FLI1: variants seen among roughly 807,000 people sequenced by gnomAD.
FLI1 encodes Fli-1 proto-oncogene, ETS transcription factor.
A neutral mutation model predicts 53.1 loss-of-function variants in FLI1; 13 were observed. The ratio of observed to expected loss-of-function variants is 0.24; its 90% CI spans 0.16 to 0.39. FLI1 has a LOEUF of 0.39. FLI1 is among the 10% of genes least tolerant of loss of function. The pLI is 1.00. For synonymous variants in FLI1, 244 were observed against 236.7 expected (o/e 1.03, Z -0.28); for missense variants, 424 against 600.5 (o/e 0.71, Z 3.07).
rs148596488 is a variant in FLI1, at chr11:128,783,453, C to A, written c.655+1430C>A. Reference sequence around the variant, plus strand: ...TCATTTGTTTCCTTCTCTCCTATCCCACCCTGAGCCAGTCCTGTTTCTGCC... The same window carrying A: ...TCATTTGTTTCCTTCTCTCCTATCCAACCCTGAGCCAGTCCTGTTTCTGCC... On this transcript the variant is annotated intron_variant, in intron 5 of 8. Coordinates refer to ENST00000527786, the MANE Select transcript of FLI1 (RefSeq NM_002017.5). Among the ~76,000 whole-genome samples the A allele has an allele frequency of 2.8e-3, 434 of 152,314 alleles. 5 individuals carry two copies. The highest frequency in any genetic ancestry group is 0.01 in the African/African-American group (417 of 41,566).
At chr11:128,782,088 G>A (rs910999612) in intron 5 of FLI1, 65 bp downstream of exon 5, 4 of 1,310,910 alleles carry the variant, frequency 3.1e-6, no homozygotes, top group Non-Finnish European at 4.4e-6. Context: ...GGCCCATGCT[G>A]TTAAGGTTGT....
At chr11:128,786,285 T>C (rs1289859993) in intron 5 of FLI1, among the ~76,000 whole-genome samples, 1 of 152,204 alleles carries the variant, frequency 6.6e-6, no homozygotes, top group South Asian at 2.1e-4. Flanking sequence ...CAGATTGTCC[T>C]AGAAAAGGAA....
chr11:128,764,911 C>T, intron 2 of FLI1: 1 of 1,374,830 alleles, frequency 7.3e-7, no homozygotes, highest in Non-Finnish European at 1.0e-6. Flanking sequence ...GCCCTTCTCC[C>T]TAAGGACACC....
At chr11:128,737,060 AGTGCTCAAGAGGCAGTATTCT>A (rs1939943450) in intron 1 of FLI1, among the ~76,000 whole-genome samples, 1 of 152,262 alleles carries the variant, frequency 6.6e-6, no homozygotes, top group Non-Finnish European at 1.5e-5. Flanking sequence ...GATATCTTTC[AGTGCTCAAGAGGCAGTATTCT>A]GCAGTAGATC....
intron 1 of FLI1, among the ~76,000 whole-genome samples, chr11:128,724,473 T>C (rs1339494135): frequency 1.3e-5 from 2 of 152,182 alleles, no homozygotes; most frequent in East Asian, 1.9e-4. Context: ...GGAAAATCAG[T>C]GCAGGTTTCC....
intron 1 of FLI1, among the ~76,000 whole-genome samples, chr11:128,753,643 T>G (rs1302615887): frequency 6.6e-6 from 1 of 152,210 alleles, no homozygotes; most frequent in African/African-American, 2.4e-5. Flanking sequence ...TTTTAAGAGT[T>G]TAAGTAAAGA....
At chr11:128,768,347 T>G (rs758611468) in intron 3 of FLI1, 75 bp downstream of exon 3, 5 of 1,556,232 alleles carry the variant, frequency 3.2e-6, no homozygotes, top group Non-Finnish European at 3.5e-6. Flanking sequence ...ATCTAAACCT[T>G]TATCTGATAC....
At chr11:128,747,564 G>C (rs952804812) in intron 1 of FLI1, among the ~76,000 whole-genome samples, 4 of 152,220 alleles carry the variant, frequency 2.6e-5, no homozygotes, top group African/African-American at 9.7e-5. Flanking sequence ...TTACAGAAGA[G>C]AACATCTAAG....
intron 5 of FLI1, chr11:128,804,248 G>C (rs1942714103): frequency 6.6e-6 from 1 of 152,200 alleles, no homozygotes; most frequent in South Asian, 2.1e-4. Flanking sequence ...GAAGGGCATG[G>C]TTGTGTTTCA....
chr11:128,705,714 C>G lies in FLI1; in HGVS notation c.18+11438C>G, dbSNP rs182908995. Among the ~76,000 whole-genome samples, 139 of 152,290 alleles carry G rather than the reference C, an allele frequency of 9.1e-4. 1 individual carries two copies. Among genetic ancestry groups the G allele is most frequent in the African/African-American group, 3.1e-3 (129 of 41,556 alleles). ...CATCCAAAGCTGCCTCACACCAGTT[C>G]CTTTTATCAGACCAAGTGAGACTTC... On this transcript the variant is annotated intron_variant, in intron 1 of 8. Coordinates refer to ENST00000527786, the MANE Select transcript of FLI1 (RefSeq NM_002017.5).
At chr11:128,760,108 G>C (rs1036938349) in intron 2 of FLI1, among the ~76,000 whole-genome samples, 1 of 152,168 alleles carries the variant, frequency 6.6e-6, no homozygotes, top group African/African-American at 2.4e-5. Context: ...TCTCTCTCCA[G>C]ATGTAATTCT....
chr11:128,742,561 T>A (rs1270624208), intron 1 of FLI1, among the ~76,000 whole-genome samples: 1 of 152,228 alleles, frequency 6.6e-6, no homozygotes, highest in Non-Finnish European at 1.5e-5. Context: ...TAAATTCAAA[T>A]GAACTAAAGT....
chr11:128,771,777 C>T (rs1303173776), intron 3 of FLI1, among the ~76,000 whole-genome samples: 5 of 152,154 alleles, frequency 3.3e-5, no homozygotes, highest in Non-Finnish European at 7.4e-5. Flanking sequence ...GTCCTCGAAC[C>T]ACCGCCACAC....
chr11:128,688,832 C>T (rs1937631567), intron 1 of FLI1, among the ~76,000 whole-genome samples: 1 of 152,190 alleles, frequency 6.6e-6, no homozygotes, highest in African/African-American at 2.4e-5. Context: ...TCATAGCTAC[C>T]TCTCAGATCT....
chr11:128,689,413 C>G (rs182131024), upstream of FLI1, among the ~76,000 whole-genome samples: 10 of 152,280 alleles, frequency 6.6e-5, no homozygotes, highest in East Asian at 1.9e-3. Flanking sequence ...TGTGTACCCC[C>G]CAGGTTCCTT....
At chr11:128,693,831 T>C (rs140864091), upstream of FLI1, 754 of 235,868 alleles carry the variant, frequency 3.2e-3, 7 homozygotes, top group African/African-American at 0.016. Flanking sequence ...CGTATATTTA[T>C]ATAGTGTGTG....
intron 1 of FLI1, among the ~76,000 whole-genome samples, chr11:128,747,336 G>T (rs654484): frequency 1.3e-5 from 2 of 152,004 alleles, no homozygotes; most frequent in Non-Finnish European, 2.9e-5. Flanking sequence ...GACATCTGGC[G>T]GAATAGAGTC....
chr11:128,692,202 A>C (rs879259321), upstream of FLI1: 6 of 152,208 alleles, frequency 3.9e-5, no homozygotes, highest in Non-Finnish European at 7.3e-5. Flanking sequence ...TCTGGAAAGC[A>C]CGTGGAAACG....
chr11:128,750,362 C>T (rs1398287772), intron 1 of FLI1, among the ~76,000 whole-genome samples: 4 of 152,156 alleles, frequency 2.6e-5, no homozygotes, highest in Admixed American at 1.3e-4. Flanking sequence ...CTTCTCAGGC[C>T]CCATGTCTTG....
Sources: allele counts gnomAD v4.1 joint callset (sites outside exome capture counted in the v4.1 genomes callset), GRCh38; gene constraint gnomAD v4.1.1; transcripts MANE v1.5; gene names NCBI Gene and HGNC (gene_info 2026-07-23, HGNC 2026-07-21).